The following NELL1 variants were observed in gnomAD, a reference collection of about 807,000 sequenced individuals.
NELL1 encodes the protein protein kinase C-binding protein NELL1.
A neutral mutation model predicts 107.4 loss-of-function variants in NELL1; 76 were observed. The ratio of observed to expected loss-of-function variants is 0.71; its 90% CI spans 0.59 to 0.86. NELL1 has a LOEUF of 0.86. Ranked by LOEUF, NELL1 falls within the 40% of genes least tolerant of loss-of-function variation. The probability of loss-of-function intolerance (pLI) is 0.00; values close to 1 mark genes in which losing one functional copy is unlikely to be tolerated. For synonymous variants in NELL1, 353 were observed against 341.2 expected (o/e 1.03, Z -0.38); for missense variants, 1,024 against 1,005.5 (o/e 1.02, Z -0.25).
rs548200654 is a variant in NELL1, at chr11:20,777,375, A to C, written c.185-6305A>C. 3.9e-5 allele frequency among the ~76,000 whole-genome samples: 6 copies of C among 152,358 alleles called. No homozygotes were observed. The South Asian group carries it at 1.2e-3, about 32-fold the overall frequency. ...TCATTCCGGCTTCTGGAACAAATGG[A>C]GGTTTAATGGAATATTATTGTGAAC... On this transcript the variant is annotated intron_variant, in intron 2 of 19. Coordinates refer to ENST00000357134, the MANE Select transcript of NELL1 (RefSeq NM_006157.5).
chr11:20,674,509 G>A (rs140870181), intron 1 of NELL1: 100 of 1,536,098 alleles, frequency 6.5e-5, no homozygotes, highest in Non-Finnish European at 8.5e-5. Context: ...GAAGCCACCC[G>A]TGTTATCGCT....
chr11:21,492,053 AAAC>A (rs1854834197), intron 15 of NELL1, among the ~76,000 whole-genome samples: 1 of 152,168 alleles, frequency 6.6e-6, no homozygotes, highest in Non-Finnish European at 1.5e-5. Context: ...TACAAGGAAA[AAAC>A]AAACAATCCC....
chr11:20,737,620 G>A lies in NELL1; in HGVS notation c.185-46060G>A, dbSNP rs537558785. On this transcript the variant is annotated intron_variant, in intron 2 of 19. Coordinates refer to ENST00000357134, the MANE Select transcript of NELL1 (RefSeq NM_006157.5). The stretch of plus-strand genomic sequence containing the variant: ...GAATACAGTGCCTGCAGAGAGATTA[G>A]CAAGTGATTGAAACATCATGCTTAA... Among the ~76,000 whole-genome samples, 11 of 152,058 alleles carry A rather than the reference G, an allele frequency of 7.2e-5. No homozygotes were observed. The South Asian group carries it at 2.3e-3, about 32-fold the overall frequency.
intron 2 of NELL1, among the ~76,000 whole-genome samples, chr11:20,721,646 G>C (rs374755390): frequency 3.9e-5 from 6 of 152,178 alleles, no homozygotes; most frequent in Admixed American, 2.0e-4. Context: ...CTCCTCTAGG[G>C]AGGGGCAGCA....
At chr11:21,304,578 T>TC (rs34675006) in intron 14 of NELL1, among the ~76,000 whole-genome samples, 24,736 of 151,306 alleles carry the variant, frequency 0.16, 2,493 homozygotes, top group South Asian at 0.35. Context: ...GTTTTTTTTT[T>TC]TCTCTCTCTC....
intron 3 of NELL1, among the ~76,000 whole-genome samples, chr11:20,787,137 A>G (rs1052742237): frequency 2.6e-5 from 4 of 151,668 alleles, no homozygotes; most frequent in African/African-American, 9.7e-5. Flanking sequence ...AATAAATATG[A>G]AGAAGTAGAT....
At chr11:21,113,935 A>C (rs1023179051) in intron 13 of NELL1, among the ~76,000 whole-genome samples, 3 of 152,024 alleles carry the variant, frequency 2.0e-5, no homozygotes, top group Non-Finnish European at 4.4e-5. Context: ...GTGTGCTTGC[A>C]TACATGGGTG....
intron 17 of NELL1, among the ~76,000 whole-genome samples, chr11:21,560,683 T>G (rs1345878063): frequency 6.6e-6 from 1 of 151,978 alleles, no homozygotes; most frequent in African/African-American, 2.4e-5. Flanking sequence ...TTAAGGTTGG[T>G]TGGGTGAGAG....
chr11:20,955,380 C>G (rs1377758854), intron 11 of NELL1, among the ~76,000 whole-genome samples: 5 of 152,206 alleles, frequency 3.3e-5, no homozygotes, highest in Admixed American at 1.3e-4. Flanking sequence ...TTTCACTTTT[C>G]ATAACCAGGT....
intron 14 of NELL1, among the ~76,000 whole-genome samples, chr11:21,360,227 A>G (rs1851043054): frequency 6.6e-6 from 1 of 152,096 alleles, no homozygotes. Flanking sequence ...TTAAATTTCC[A>G]TCTTGATTTC....
At chr11:21,550,834 G>C (rs1239945410) in intron 16 of NELL1, among the ~76,000 whole-genome samples, 1 of 151,680 alleles carries the variant, frequency 6.6e-6, no homozygotes, top group Non-Finnish European at 1.5e-5. Flanking sequence ...GCTCTTTTTT[G>C]GTTCCATATG....
intron 4 of NELL1, among the ~76,000 whole-genome samples, chr11:20,866,782 A>G (rs979373857): frequency 1.3e-5 from 2 of 152,174 alleles, no homozygotes; most frequent in Non-Finnish European, 2.9e-5. Flanking sequence ...GTGTAAAATT[A>G]TCTTGATCAG....
chr11:21,104,188 C>T (rs142044428), intron 12 of NELL1, among the ~76,000 whole-genome samples: 1 of 152,110 alleles, frequency 6.6e-6, no homozygotes, highest in African/African-American at 2.4e-5. Context: ...GAGTTCACAC[C>T]CTGACAGATT....
At chr11:21,217,755 A>C (rs769438331) in intron 13 of NELL1, among the ~76,000 whole-genome samples, 2 of 152,192 alleles carry the variant, frequency 1.3e-5, no homozygotes, top group Non-Finnish European at 2.9e-5. Flanking sequence ...GTTACTTTGA[A>C]CAAAATAAAG....
chr11:21,180,752 G>T (rs972527356), intron 13 of NELL1, among the ~76,000 whole-genome samples: 1 of 151,586 alleles, frequency 6.6e-6, no homozygotes, highest in African/African-American at 2.4e-5. Context: ...ACTGGGGCAA[G>T]GTTTAGGGGC....
intron 14 of NELL1, among the ~76,000 whole-genome samples, chr11:21,366,508 T>G (rs946291293): frequency 1.3e-5 from 2 of 152,110 alleles, no homozygotes; most frequent in African/African-American, 2.4e-5. Context: ...AATTCATACC[T>G]ACTAACATGC....
chr11:21,316,881 A>G (rs946480538), intron 14 of NELL1, among the ~76,000 whole-genome samples: 1 of 152,110 alleles, frequency 6.6e-6, no homozygotes, highest in Non-Finnish European at 1.5e-5. Context: ...CCTTCAGACT[A>G]TAATGAAAAC....
At position 21,291,841 on chromosome 11, in the gene NELL1, A is replaced by G. The variant is rs76334575; in HGVS notation, c.1549+62387A>G. On this transcript the variant is annotated intron_variant, in intron 14 of 19. Coordinates refer to ENST00000357134, the MANE Select transcript of NELL1 (RefSeq NM_006157.5). ...TGATAAAAACCACATGATTATCTCA[A>G]TAGATGCAGAAAAGGCCTTTGACAA... Among the ~76,000 whole-genome samples the G allele has an allele frequency of 9.2e-5, 14 of 152,318 alleles. 1 individual carries two copies. The South Asian group carries it at 2.9e-3, about 32-fold the overall frequency.
In NELL1 at chr11:20,960,576, A is replaced by C. The variant is rs775377554; in HGVS notation, c.1300+16A>C. On this transcript the variant is annotated intron_variant, in intron 12 of 19. Coordinates refer to ENST00000357134, the MANE Select transcript of NELL1 (RefSeq NM_006157.5). ...TACTGTGAAGGTAAGTAAGCTATTTAATGAAGTCACTTGTGAGAGGTTGAC... is the reference window on the plus strand; with the variant it reads ...TACTGTGAAGGTAAGTAAGCTATTTCATGAAGTCACTTGTGAGAGGTTGAC... 9 of 1,613,506 alleles carry C rather than the reference A, an allele frequency of 5.6e-6. No homozygotes were observed. The highest frequency in any genetic ancestry group is 7.6e-6 in the Non-Finnish European group (9 of 1,179,614).
Sources: allele counts gnomAD v4.1 joint callset (sites outside exome capture counted in the v4.1 genomes callset), GRCh38; gene constraint gnomAD v4.1.1; transcripts MANE v1.5; gene names NCBI Gene and HGNC (gene_info 2026-07-23, HGNC 2026-07-21).